The following MARCHF1 variants were observed in gnomAD, a reference collection of about 807,000 sequenced individuals.
The protein encoded by MARCHF1 is E3 ubiquitin-protein ligase MARCHF1.
Under a neutral mutation model 54.2 loss-of-function variants are expected in MARCHF1, and 40 were observed. The ratio of observed to expected loss-of-function variants is 0.74; its 90% CI spans 0.57 to 0.96. The LOEUF is 0.96. Among genes scored for constraint, MARCHF1 ranks in the 40% least tolerant of loss-of-function variants. MARCHF1 has a pLI of 0.00. For missense variants in MARCHF1, 586 were observed against 656.5 expected (o/e 0.89, Z 1.17); for synonymous variants, 236 against 236.3 (o/e 1.00, Z 0.01).
intron 4 of MARCHF1, among the ~76,000 whole-genome samples, chr4:163,844,127 C>G (rs958631558): frequency 6.6e-6 from 1 of 152,000 alleles, no homozygotes; most frequent in Non-Finnish European, 1.5e-5. Context: ...CTCCCTACCC[C>G]AACCTTCCAC....
intron 1 of MARCHF1, among the ~76,000 whole-genome samples, chr4:164,228,810 A>G (rs1015091300): frequency 7.2e-5 from 11 of 152,226 alleles, no homozygotes; most frequent in Non-Finnish European, 1.6e-4. Context: ...AAATGTTTCT[A>G]GGACCAGTGG....
intron 4 of MARCHF1, among the ~76,000 whole-genome samples, chr4:163,791,383 A>G (rs1209516508): frequency 6.6e-6 from 1 of 152,162 alleles, no homozygotes; most frequent in Non-Finnish European, 1.5e-5. Flanking sequence ...TTTCACAGCT[A>G]TAGTTTCATT....
Position 163,676,904 on chromosome 4 carries a change from C to T in MARCHF1, c.162+23909G>A, listed in dbSNP as rs141035702. On this transcript the variant is annotated intron_variant, in intron 5 of 9. Coordinates refer to ENST00000514618, the MANE Select transcript of MARCHF1 (RefSeq NM_001394959.1). The stretch of plus-strand genomic sequence containing the variant: ...GATTGGATTAAAAAAGATTTGACAA[C>T]AAAAAAGGAAAATATTAACCACAAA... Among the ~76,000 whole-genome samples the T allele has an allele frequency of 1.9e-3, 281 of 150,702 alleles. 1 individual carries two copies. The highest frequency in any genetic ancestry group is 6.6e-3 in the African/African-American group (272 of 41,040).
intron 3 of MARCHF1, among the ~76,000 whole-genome samples, chr4:163,895,572 T>C (rs968955453): frequency 7.9e-5 from 12 of 152,180 alleles, no homozygotes; most frequent in African/African-American, 2.9e-4. Context: ...CTGAGGGGCA[T>C]AGTGTGGGTG....
intron 9 of MARCHF1, among the ~76,000 whole-genome samples, chr4:163,542,078 C>T: frequency 6.6e-6 from 1 of 152,208 alleles, no homozygotes. Context: ...TTCTGTTTTG[C>T]TTTGGCTCTA....
rs113518425 is a variant in MARCHF1, at chr4:163,666,039, G to A, written c.162+34774C>T. Reference sequence around the variant, plus strand: ...AATTCTCCTGTGGGAAGTTGAAAATGTCTTCTTTAATTACTGTTAAGCATT... The same window carrying A: ...AATTCTCCTGTGGGAAGTTGAAAATATCTTCTTTAATTACTGTTAAGCATT... On this transcript the variant is annotated intron_variant, in intron 5 of 9. Transcript: ENST00000514618. Among the ~76,000 whole-genome samples, 92 of 152,208 alleles carry A rather than the reference G, an allele frequency of 6.0e-4. 1 individual carries two copies. The highest frequency in any genetic ancestry group is 2.0e-3 in the African/African-American group (83 of 41,546).
At chr4:163,716,953 T>A (rs1745279088) in intron 4 of MARCHF1, among the ~76,000 whole-genome samples, 1 of 151,844 alleles carries the variant, frequency 6.6e-6, no homozygotes, top group Non-Finnish European at 1.5e-5. Context: ...ATTATTAAAT[T>A]TAACACTTAT....
intron 5 of MARCHF1, among the ~76,000 whole-genome samples, chr4:163,631,897 C>T (rs374328208): frequency 5.3e-5 from 8 of 152,124 alleles, no homozygotes; most frequent in East Asian, 1.9e-4. Context: ...AAAATATTTA[C>T]AAATCATGTT....
chr4:163,822,039 TTTG>T (rs982179318), intron 4 of MARCHF1, among the ~76,000 whole-genome samples: 4 of 151,956 alleles, frequency 2.6e-5, no homozygotes, highest in African/African-American at 7.2e-5. Flanking sequence ...TTTGCATGAT[TTTG>T]TTAAGTTTTG....
intron 2 of MARCHF1, among the ~76,000 whole-genome samples, chr4:164,029,145 T>C (rs1014384100): frequency 1.3e-5 from 2 of 152,142 alleles, no homozygotes; most frequent in Non-Finnish European, 2.9e-5. Context: ...CACCCACTGC[T>C]ATATAAAGAA....
intron 2 of MARCHF1, among the ~76,000 whole-genome samples, chr4:164,093,050 A>C (rs1242922431): frequency 6.6e-6 from 1 of 152,180 alleles, no homozygotes; most frequent in Non-Finnish European, 1.5e-5. Context: ...GATGGAATGC[A>C]TGCTAGAACA....
At chr4:163,660,456 G>A (rs1351927495) in intron 5 of MARCHF1, among the ~76,000 whole-genome samples, 3 of 151,802 alleles carry the variant, frequency 2.0e-5, no homozygotes, top group Non-Finnish European at 4.4e-5. Context: ...TAATGCATGA[G>A]GAGCTTAAAA....
intron 1 of MARCHF1, among the ~76,000 whole-genome samples, chr4:164,373,364 T>TC: frequency 6.9e-6 from 1 of 145,590 alleles, no homozygotes; most frequent in African/African-American, 2.5e-5. Flanking sequence ...TTTTTTTTTT[T>TC]TTTTTTTTTT....
chr4:164,318,400 G>C (rs1735055970), intron 1 of MARCHF1, among the ~76,000 whole-genome samples: 1 of 152,154 alleles, frequency 6.6e-6, no homozygotes, highest in Non-Finnish European at 1.5e-5. Context: ...GTGGAGTGAA[G>C]TTCTGTAAAA....
At chr4:163,975,664 T>A (rs1293355008) in intron 3 of MARCHF1, among the ~76,000 whole-genome samples, 4 of 152,186 alleles carry the variant, frequency 2.6e-5, no homozygotes, top group Non-Finnish European at 5.9e-5. Context: ...TTGGAAGTGA[T>A]GCCTTATAAA....
At chr4:163,924,752 G>A (rs1369351274) in intron 3 of MARCHF1, among the ~76,000 whole-genome samples, 2 of 151,950 alleles carry the variant, frequency 1.3e-5, no homozygotes, top group Admixed American at 6.6e-5. Context: ...TGGATATTGA[G>A]CCTAGAAAGG....
At chr4:164,277,540 T>A (rs1407808925) in intron 1 of MARCHF1, among the ~76,000 whole-genome samples, 1 of 152,234 alleles carries the variant, frequency 6.6e-6, no homozygotes, top group Admixed American at 6.5e-5. Flanking sequence ...AGAGATTCTG[T>A]ACATGTTCTT....
At chr4:163,759,939 T>C (rs1198290171) in intron 4 of MARCHF1, among the ~76,000 whole-genome samples, 1 of 152,204 alleles carries the variant, frequency 6.6e-6, no homozygotes, top group African/African-American at 2.4e-5. Context: ...ATATCATGTG[T>C]ATTAGGTTTC....
chr4:164,034,800 T>G (rs529264554), intron 2 of MARCHF1, among the ~76,000 whole-genome samples: 3 of 152,214 alleles, frequency 2.0e-5, no homozygotes, highest in Non-Finnish European at 4.4e-5. Context: ...ATTTTGTATG[T>G]AACACTTTTT....
Sources: allele counts gnomAD v4.1 joint callset (sites outside exome capture counted in the v4.1 genomes callset), GRCh38; gene constraint gnomAD v4.1.1; transcripts MANE v1.5; gene names NCBI Gene and HGNC (gene_info 2026-07-23, HGNC 2026-07-21).